RALGPS1: variants seen among roughly 807,000 people sequenced by gnomAD.
The protein encoded by RALGPS1 is Ral GEF with PH domain and SH3 binding motif 1, also known as ras-specific guanine nucleotide-releasing factor RalGPS1.
RALGPS1 carries 19 observed loss-of-function variants against 78.8 expected under a neutral mutation model. The observed-to-expected ratio is 0.24, with a 90% CI of 0.17 to 0.35. The LOEUF (loss-of-function observed/expected upper bound fraction) is 0.35. Among genes scored for constraint, RALGPS1 ranks in the 10% least tolerant of loss-of-function variants. RALGPS1 has a pLI of 1.00. For synonymous variants in RALGPS1, 228 were observed against 256.3 expected, an observed-to-expected ratio of 0.89 and a Z score of 1.06; for missense variants, 454 against 688.3, an observed-to-expected ratio of 0.66 and a Z score of 3.81.
intron 8 of RALGPS1, among the ~76,000 whole-genome samples, chr9:127,142,765 CTT>C (rs1438789172): frequency 1.3e-5 from 2 of 152,140 alleles, no homozygotes; most frequent in African/African-American, 2.4e-5. Context: ...CTTGTTGACT[CTT>C]TATTTATATT....
At chr9:127,098,949 A>G (rs1414926728) in intron 8 of RALGPS1, among the ~76,000 whole-genome samples, 1 of 152,248 alleles carries the variant, frequency 6.6e-6, no homozygotes, top group Non-Finnish European at 1.5e-5. Flanking sequence ...CTCTCAGTGC[A>G]GTGCCCCTCT....
intron 8 of RALGPS1, among the ~76,000 whole-genome samples, chr9:127,114,505 T>C (rs1284698339): frequency 6.6e-6 from 1 of 152,058 alleles, no homozygotes; most frequent in Non-Finnish European, 1.5e-5. Context: ...ACGACAGGAG[T>C]GCTCTTGCCG....
At chr9:127,012,070 G>A (rs768097311) in intron 4 of RALGPS1, among the ~76,000 whole-genome samples, 10 of 152,152 alleles carry the variant, frequency 6.6e-5, no homozygotes, top group Non-Finnish European at 1.3e-4. Context: ...CTGAAACCCC[G>A]ACTCTCTTGG....
chr9:127,078,505 C>T (rs1342752781), intron 8 of RALGPS1, among the ~76,000 whole-genome samples: 8 of 152,198 alleles, frequency 5.3e-5, no homozygotes, highest in South Asian at 2.1e-4. Context: ...CCTTAACTTA[C>T]GCATCCTCCT....
At chr9:126,929,700 G>A (rs1564266137) in intron 1 of RALGPS1, among the ~76,000 whole-genome samples, 1 of 152,074 alleles carries the variant, frequency 6.6e-6, no homozygotes. Context: ...CCTACCTCAG[G>A]TAATCTGCCT....
At chr9:126,997,023 G>A (rs1293950188) in intron 4 of RALGPS1, among the ~76,000 whole-genome samples, 1 of 151,778 alleles carries the variant, frequency 6.6e-6, no homozygotes, top group African/African-American at 2.4e-5. Context: ...GATATTGATG[G>A]GACGTATCTC....
chr9:127,115,564 T>G (rs1361144186), intron 8 of RALGPS1, among the ~76,000 whole-genome samples: 1 of 152,230 alleles, frequency 6.6e-6, no homozygotes, highest in Non-Finnish European at 1.5e-5. Context: ...TCAAGATCAC[T>G]TGGAAGTAAA....
At chr9:127,062,419 T>C (rs1021273088) in intron 7 of RALGPS1, among the ~76,000 whole-genome samples, 4 of 152,316 alleles carry the variant, frequency 2.6e-5, no homozygotes, top group African/African-American at 9.6e-5. Context: ...TTTAAAAAGA[T>C]AAAATCATGA....
At chr9:127,085,854 A>G (rs931241412) in intron 8 of RALGPS1, among the ~76,000 whole-genome samples, 10 of 152,196 alleles carry the variant, frequency 6.6e-5, no homozygotes, top group African/African-American at 1.7e-4. Flanking sequence ...AGGGGTGACT[A>G]TAGTCTGGGC....
chr9:127,020,302 C>T (rs960808038), intron 4 of RALGPS1, among the ~76,000 whole-genome samples: 1 of 152,182 alleles, frequency 6.6e-6, no homozygotes, highest in Admixed American at 6.5e-5. Flanking sequence ...AAGATTAGGT[C>T]AGAGCCTGCA....
intron 8 of RALGPS1, among the ~76,000 whole-genome samples, chr9:127,117,110 C>T (rs1284823292): frequency 6.6e-6 from 1 of 152,246 alleles, no homozygotes; most frequent in Non-Finnish European, 1.5e-5. Flanking sequence ...ATGTGCTGTG[C>T]TTCCTGCCTC....
chr9:127,175,109 G>A (rs1003534683), intron 11 of RALGPS1, among the ~76,000 whole-genome samples: 6 of 152,224 alleles, frequency 3.9e-5, no homozygotes, highest in Admixed American at 6.5e-5. Flanking sequence ...AGGCTCTCCA[G>A]ACCCTTAGCG....
At chr9:127,139,593 G>T (rs1485824147) in intron 8 of RALGPS1, among the ~76,000 whole-genome samples, 1 of 152,234 alleles carries the variant, frequency 6.6e-6, no homozygotes, top group Non-Finnish European at 1.5e-5. Flanking sequence ...AAGGGGAGGA[G>T]AAGCAGAACC....
chr9:127,151,553 A>G (rs1198802071), intron 8 of RALGPS1, among the ~76,000 whole-genome samples: 2 of 152,220 alleles, frequency 1.3e-5, no homozygotes, highest in Non-Finnish European at 2.9e-5. Flanking sequence ...TAATTCAATT[A>G]CAGCGGAGGG....
intron 4 of RALGPS1, among the ~76,000 whole-genome samples, chr9:126,998,817 A>C (rs1460795003): frequency 6.6e-6 from 1 of 151,778 alleles, no homozygotes; most frequent in Non-Finnish European, 1.5e-5. Context: ...GCACATATAC[A>C]CCATGGAATA....
At chr9:127,060,309 C>T (rs934960267) in intron 7 of RALGPS1, among the ~76,000 whole-genome samples, 1 of 152,182 alleles carries the variant, frequency 6.6e-6, no homozygotes, top group Non-Finnish European at 1.5e-5. Context: ...GATCTGAATA[C>T]ATGTTACATA....
At chr9:127,139,523 G>C (rs556218488) in intron 8 of RALGPS1, among the ~76,000 whole-genome samples, 1 of 152,240 alleles carries the variant, frequency 6.6e-6, no homozygotes, top group Non-Finnish European at 1.5e-5. Flanking sequence ...CCCAGCGCTT[G>C]GAGCGTCTGC....
intron 11 of RALGPS1, among the ~76,000 whole-genome samples, chr9:127,192,911 G>C (rs981004307): frequency 6.6e-6 from 1 of 152,200 alleles, no homozygotes; most frequent in Non-Finnish European, 1.5e-5. Context: ...CGAGCACCAG[G>C]TGCCAAGGGC....
At chr9:127,001,419 C>A (rs1458135611) in intron 4 of RALGPS1, among the ~76,000 whole-genome samples, 1 of 151,524 alleles carries the variant, frequency 6.6e-6, no homozygotes, top group African/African-American at 2.4e-5. Context: ...GGTATAATTT[C>A]TTTAATTTCA....
Sources: gnomAD v4.1 joint callset for allele counts (sites outside exome capture counted in the v4.1 genomes callset) on GRCh38, gnomAD v4.1.1 for gene constraint, MANE v1.5 for transcripts, NCBI Gene and HGNC (gene_info 2026-07-23, HGNC 2026-07-21) for gene names.